The following SLC44A3 variants were observed in gnomAD, a reference collection of about 807,000 sequenced individuals.
SLC44A3 encodes solute carrier family 44 member 3, also known as choline transporter-like protein 3.
SLC44A3 carries 74 observed loss-of-function variants against 75.4 expected under a neutral mutation model. The observed-to-expected ratio is 0.98, with a 90% confidence interval of 0.81 to 1.19. The LOEUF (loss-of-function observed/expected upper bound fraction) is 1.19. Among genes scored for constraint, SLC44A3 ranks in the 50% most tolerant of loss-of-function variants. The pLI is 0.00. For synonymous variants in SLC44A3, 310 were observed against 296.9 expected (o/e 1.04, Z -0.45); for missense variants, 700 against 778.6 (o/e 0.90, Z 1.20).
chr1:94,845,257 C>T (rs746485406), intron 8 of SLC44A3, 21 bp from the exon 9 acceptor site: 2 of 1,575,416 alleles, frequency 1.3e-6, no homozygotes, highest in Non-Finnish European at 1.7e-6. Flanking sequence ...AAGTAATTTA[C>T]TCAAATCCCT....
chr1:94,823,403 G>A (rs1660882967), intron 2 of SLC44A3, among the ~76,000 whole-genome samples: 1 of 152,190 alleles, frequency 6.6e-6, no homozygotes, highest in African/African-American at 2.4e-5. Context: ...TGACCAGTTA[G>A]ACTTAGGAGG....
At chr1:94,865,127 C>T (rs1203279242) in intron 11 of SLC44A3, among the ~76,000 whole-genome samples, 1 of 152,090 alleles carries the variant, frequency 6.6e-6, no homozygotes, top group Non-Finnish European at 1.5e-5. Flanking sequence ...TTCTCCAACT[C>T]GGTGGAGATG....
chr1:94,846,836 C>T (rs1372038665), intron 9 of SLC44A3, among the ~76,000 whole-genome samples: 2 of 152,244 alleles, frequency 1.3e-5, no homozygotes, highest in African/African-American at 4.8e-5. Context: ...TTTATCTTGT[C>T]CCTTACTGGC....
intron 9 of SLC44A3, among the ~76,000 whole-genome samples, chr1:94,848,308 G>A (rs1664725836): frequency 6.6e-6 from 1 of 152,186 alleles, no homozygotes; most frequent in Non-Finnish European, 1.5e-5. Flanking sequence ...GCTGGTGGAT[G>A]TGGGCTGTGC....
At chr1:94,875,514 T>C (rs1237285805) in intron 12 of SLC44A3, among the ~76,000 whole-genome samples, 2 of 146,352 alleles carry the variant, frequency 1.4e-5, no homozygotes, top group Admixed American at 1.4e-4. Flanking sequence ...TTGCCCCTTC[T>C]GAGCCTCCTG....
chr1:94,862,241 A>G (rs1294422243), intron 10 of SLC44A3, among the ~76,000 whole-genome samples: 1 of 152,194 alleles, frequency 6.6e-6, no homozygotes, highest in African/African-American at 2.4e-5. Flanking sequence ...CTTTGCTGGG[A>G]CCAGCTTTAC....
intron 13 of SLC44A3, 81 bp from the exon 14 acceptor site, chr1:94,892,200 A>G: frequency 7.7e-7 from 1 of 1,301,348 alleles, no homozygotes; most frequent in Non-Finnish European, 1.1e-6. Flanking sequence ...AGGAACGTAT[A>G]TTAAACCATT....
chr1:94,893,412 C>T (rs1670434205), intron 14 of SLC44A3, among the ~76,000 whole-genome samples: 1 of 151,850 alleles, frequency 6.6e-6, no homozygotes, highest in Admixed American at 6.6e-5. Flanking sequence ...CAGAGTTTTG[C>T]TCTTGTTGCC....
At chr1:94,842,574 T>C (rs919952661) in intron 8 of SLC44A3, among the ~76,000 whole-genome samples, 1 of 152,192 alleles carries the variant, frequency 6.6e-6, no homozygotes, top group African/African-American at 2.4e-5. Context: ...ACTTGCTGCC[T>C]CCTCAGTGAA....
intron 12 of SLC44A3, among the ~76,000 whole-genome samples, chr1:94,883,175 C>T (rs111328385): frequency 0.018 from 2,695 of 151,624 alleles, 64 homozygotes; most frequent in African/African-American, 0.056. Context: ...AAGGGGCAGG[C>T]ATGGTGGCAG....
At chr1:94,831,548 G>A (rs1275237729) in intron 5 of SLC44A3, among the ~76,000 whole-genome samples, 1 of 152,184 alleles carries the variant, frequency 6.6e-6, no homozygotes, top group Non-Finnish European at 1.5e-5. Flanking sequence ...CTAGGTATGA[G>A]CTTTTAAGAG....
At chr1:94,865,710 C>G (rs1667092914) in intron 11 of SLC44A3, among the ~76,000 whole-genome samples, 1 of 152,176 alleles carries the variant, frequency 6.6e-6, no homozygotes, top group Non-Finnish European at 1.5e-5. Flanking sequence ...CCCGTCACCA[C>G]CTTAGAGTTG....
chr1:94,820,549 C>A, intron 1 of SLC44A3, 71 bp downstream of exon 1: 2 of 1,450,752 alleles, frequency 1.4e-6, no homozygotes, highest in African/African-American at 1.5e-5. Context: ...CCTTCACGCA[C>A]CTTCCCTGCC....
At chr1:94,852,412 G>A (rs1261623226) in intron 9 of SLC44A3, among the ~76,000 whole-genome samples, 1 of 152,154 alleles carries the variant, frequency 6.6e-6, no homozygotes, top group Admixed American at 6.5e-5. Flanking sequence ...AAAGCAAGGG[G>A]AAACATCCCA....
chr1:94,845,393 T>C lies in SLC44A3; in HGVS notation c.1001T>C (p.Leu334Pro), dbSNP rs1382120896. The C allele has an allele frequency of 3.7e-6, 6 of 1,614,162 alleles. No homozygotes were observed. The highest frequency in any genetic ancestry group is 5.1e-6 in the Non-Finnish European group (6 of 1,180,036). Residue 334 changes from leucine (L) to proline (P), a missense_variant, in exon 9 of 15, where the codon CTG becomes CCG. By Grantham distance (98) the Leu-to-Pro change is moderately conservative. Transcript: ENST00000271227. ...SSAPFLLFQP[L>P]WTFAILIFFW... ...GCTCCCTTCCTGCTGTTCCAGCCAC[T>C]GTGGACATTTGCCATCCTCATTTTC...
In SLC44A3 at chr1:94,894,792, T is replaced by C. The variant is rs533452272; in HGVS notation, c.1858-26T>C. ...TCAACAGTACAGACACATAATACTATTCTAACTTGTTCTTTTGTTTTTCAG... is the reference window on the plus strand; with the variant it reads ...TCAACAGTACAGACACATAATACTACTCTAACTTGTTCTTTTGTTTTTCAG... On this transcript the variant is annotated intron_variant, in intron 14 of 14. Coordinates refer to ENST00000271227, the MANE Select transcript of SLC44A3 (RefSeq NM_001114106.3). The C allele has an allele frequency of 2.5e-6, 4 of 1,583,036 alleles. No homozygotes were observed. In the South Asian group the frequency reaches 4.6e-5, roughly 18 times the overall value.
chr1:94,828,717 C>T (rs1661712064), intron 5 of SLC44A3, 131 bp downstream of exon 5: 1 of 683,278 alleles, frequency 1.5e-6, no homozygotes, highest in Non-Finnish European at 2.4e-6. Flanking sequence ...AGCTTACAGT[C>T]TACGGAGGCC....
Position 94,864,690 on chromosome 1 carries a change from T to C in SLC44A3, c.1239-53T>C, listed in dbSNP as rs78420572. 1,877 of 1,567,692 alleles carry C rather than the reference T, an allele frequency of 1.2e-3. 12 individuals carry two copies. The African/African-American group carries it at 0.023, about 19-fold the overall frequency. The stretch of plus-strand genomic sequence containing the variant: ...ACAGATGATTGGAACCAGAGAGCTT[T>C]TGCTGCTTTATAAAAAGTGTTTTTA... On this transcript the variant is annotated intron_variant, in intron 10 of 14. Coordinates refer to ENST00000271227, the MANE Select transcript of SLC44A3 (RefSeq NM_001114106.3).
intron 9 of SLC44A3, among the ~76,000 whole-genome samples, chr1:94,849,904 G>A (rs959647061): frequency 6.6e-6 from 1 of 151,984 alleles, no homozygotes; most frequent in Admixed American, 6.6e-5. Context: ...ATGCCACTAT[G>A]CCTAGCTAAT....
Sources: allele counts gnomAD v4.1 joint callset (sites outside exome capture counted in the v4.1 genomes callset), GRCh38; gene constraint gnomAD v4.1.1; transcripts MANE v1.5; gene names NCBI Gene and HGNC (gene_info 2026-07-23, HGNC 2026-07-21).